ANKS1B: variants seen among roughly 807,000 people sequenced by gnomAD.
ANKS1B encodes ankyrin repeat and sterile alpha motif domain-containing protein 1B.
A neutral mutation model predicts 148.3 loss-of-function variants in ANKS1B; 36 were observed. The observed-to-expected ratio is 0.24, with a 90% confidence interval of 0.19 to 0.32. The LOEUF is 0.32. Among genes scored for constraint, ANKS1B ranks in the 10% least tolerant of loss-of-function variants. The probability of loss-of-function intolerance (pLI) is 1.00; values close to 1 mark genes in which losing one functional copy is unlikely to be tolerated. For synonymous variants in ANKS1B, 542 were observed against 560.8 expected (o/e 0.97, Z 0.47); for missense variants, 1,157 against 1,542.6 (o/e 0.75, Z 4.19).
At chr12:99,394,314 C>A (rs1308741912) in intron 12 of ANKS1B, among the ~76,000 whole-genome samples, 3 of 152,142 alleles carry the variant, frequency 2.0e-5, no homozygotes, top group African/African-American at 4.8e-5. Flanking sequence ...TGTTCATGCT[C>A]CTGTCCAAAA....
At chr12:99,804,108 G>C (rs1395912286) in intron 4 of ANKS1B, among the ~76,000 whole-genome samples, 1 of 152,122 alleles carries the variant, frequency 6.6e-6, no homozygotes, top group Non-Finnish European at 1.5e-5. Context: ...AAGGATCTTG[G>C]TCAGGGATAC....
chr12:99,398,943 C>G (rs891261447), intron 12 of ANKS1B, among the ~76,000 whole-genome samples: 4 of 152,050 alleles, frequency 2.6e-5, no homozygotes, highest in Non-Finnish European at 5.9e-5. Flanking sequence ...AAAATTAAGA[C>G]TTTTGTCTCT....
chr12:99,225,821 T>A (rs2085844519), intron 14 of ANKS1B, among the ~76,000 whole-genome samples: 1 of 152,242 alleles, frequency 6.6e-6, no homozygotes. Context: ...GGACTTGGAC[T>A]GGCTTCCTCG....
chr12:99,551,506 A>G (rs1244592695), intron 9 of ANKS1B, among the ~76,000 whole-genome samples: 2 of 121,816 alleles, frequency 1.6e-5, no homozygotes, highest in African/African-American at 6.2e-5. Flanking sequence ...TATGTTTACT[A>G]TGAGTTGGAA....
In ANKS1B at chr12:99,863,276, CCATT is replaced by C. The variant is rs550070045; in HGVS notation, c.135-37891_135-37888del. On this transcript the variant is annotated intron_variant, in intron 1 of 26. Transcript: ENST00000683438. ...ACCTTTAAGTCAACATTCCCCAAAA[CCATT>C]CATTTTCTCCTAAACCTGAAAAAAA... Among the ~76,000 whole-genome samples the C allele has an allele frequency of 1.9e-4, 29 of 152,274 alleles. No individual in the cohort carries two copies. The South Asian group carries it at 6.0e-3, about 32-fold the overall frequency.
chr12:99,438,903 A>G (rs2095504113), intron 11 of ANKS1B, among the ~76,000 whole-genome samples: 2 of 151,588 alleles, frequency 1.3e-5, no homozygotes, highest in South Asian at 4.1e-4. Context: ...AGGCACAAAT[A>G]TTAGAAAAAA....
chr12:99,701,338 T>C (rs1227666863), intron 8 of ANKS1B, among the ~76,000 whole-genome samples: 1 of 152,174 alleles, frequency 6.6e-6, no homozygotes, highest in Non-Finnish European at 1.5e-5. Context: ...TGAGCCTCAA[T>C]AAAAATGAAC....
intron 17 of ANKS1B, among the ~76,000 whole-genome samples, chr12:98,896,400 A>G (rs561246758): frequency 2.6e-5 from 4 of 152,280 alleles, no homozygotes; most frequent in South Asian, 4.1e-4. Context: ...AATTCTTACA[A>G]CTCTATGAAG....
At position 99,275,785 on chromosome 12, in the gene ANKS1B, T is replaced by C. The variant is rs930728070; in HGVS notation, c.1757-28921A>G. ...AATCTCACCTCTTGATGGAAAAATG[T>C]CATTATCATTTTGTAAGGAAAATGT... is the stretch of plus-strand genomic sequence containing the variant. On this transcript the variant is annotated intron_variant, in intron 12 of 26. Coordinates refer to ENST00000683438, the MANE Select transcript of ANKS1B (RefSeq NM_001352186.2). 2.6e-5 allele frequency among the ~76,000 whole-genome samples: 4 copies of C among 152,222 alleles called. No homozygotes were observed. The East Asian group carries it at 5.8e-4, about 22-fold the overall frequency.
At chr12:99,859,604 T>C (rs377279585) in intron 1 of ANKS1B, among the ~76,000 whole-genome samples, 1 of 152,146 alleles carries the variant, frequency 6.6e-6, no homozygotes, top group Non-Finnish European at 1.5e-5. Context: ...ATATTTAAAA[T>C]AATGAGCAAA....
chr12:99,674,546 T>A (rs1291066421), intron 8 of ANKS1B, among the ~76,000 whole-genome samples: 3 of 151,696 alleles, frequency 2.0e-5, no homozygotes, highest in Non-Finnish European at 4.4e-5. Context: ...ATAGTTCTAG[T>A]TCAGAACTGA....
chr12:99,073,288 T>C lies in ANKS1B; in HGVS notation c.2625+11637A>G, dbSNP rs114059954. 6.8e-3 allele frequency among the ~76,000 whole-genome samples: 1,042 copies of C among 152,308 alleles called. 12 individuals are homozygous for C. Among genetic ancestry groups the C allele is most frequent in the African/African-American group, 0.024 (980 of 41,568 alleles). On this transcript the variant is annotated intron_variant, in intron 16 of 26. Transcript: ENST00000683438. The stretch of plus-strand genomic sequence containing the variant: ...GATTCAAACTCGGATAGTCTGACCA[T>C]GTTCCCAACCATTCCATTATGCTGC...
chr12:98,908,243 C>T (rs1346450481), intron 17 of ANKS1B, among the ~76,000 whole-genome samples: 1 of 152,130 alleles, frequency 6.6e-6, no homozygotes, highest in African/African-American at 2.4e-5. Context: ...TTATACCAGG[C>T]CTTGCAAAAT....
chr12:98,879,509 A>G (rs1045375528), intron 17 of ANKS1B, among the ~76,000 whole-genome samples: 2 of 152,210 alleles, frequency 1.3e-5, no homozygotes, highest in African/African-American at 4.8e-5. Context: ...ATGTATTTTA[A>G]TAACACTGGC....
chr12:99,913,944 T>C (rs1490050033), intron 1 of ANKS1B, among the ~76,000 whole-genome samples: 1 of 152,210 alleles, frequency 6.6e-6, no homozygotes, highest in Non-Finnish European at 1.5e-5. Context: ...TAACAAACCC[T>C]GTTAGACCTT....
chr12:98,753,561 G>A (rs1188949120), intron 25 of ANKS1B, among the ~76,000 whole-genome samples: 1 of 152,122 alleles, frequency 6.6e-6, no homozygotes, highest in Non-Finnish European at 1.5e-5. Context: ...CCAAGTAGCT[G>A]AGATTACAGG....
chr12:99,447,071 A>G (rs921508195), intron 10 of ANKS1B, among the ~76,000 whole-genome samples: 3 of 152,142 alleles, frequency 2.0e-5, no homozygotes, highest in African/African-American at 7.2e-5. Flanking sequence ...ACTTCAAAAT[A>G]TACTACAAAG....
intron 9 of ANKS1B, among the ~76,000 whole-genome samples, chr12:99,519,217 G>A (rs1174494127): frequency 6.6e-6 from 1 of 152,204 alleles, no homozygotes; most frequent in Non-Finnish European, 1.5e-5. Flanking sequence ...GAGATGTTTT[G>A]TAAGTATCTA....
intron 17 of ANKS1B, among the ~76,000 whole-genome samples, chr12:98,866,389 C>G (rs1408797583): frequency 6.6e-6 from 1 of 152,170 alleles, no homozygotes; most frequent in African/African-American, 2.4e-5. Context: ...TGCATGCCCA[C>G]CTACTTCCCA....
Sources: allele counts gnomAD v4.1 joint callset (sites outside exome capture counted in the v4.1 genomes callset), GRCh38; gene constraint gnomAD v4.1.1; transcripts MANE v1.5; gene names NCBI Gene and HGNC (gene_info 2026-07-23, HGNC 2026-07-21).